The following LRRC74A variants were observed in gnomAD, a reference collection of about 807,000 sequenced individuals.
LRRC74A encodes leucine-rich repeat-containing protein 74A.
A neutral mutation model predicts 57.9 loss-of-function variants in LRRC74A; 44 were observed. The ratio of observed to expected loss-of-function variants is 0.76; its 90% CI spans 0.60 to 0.98. LRRC74A has a LOEUF of 0.98. LRRC74A is among the 50% of genes least tolerant of loss of function. The pLI is 0.00. For synonymous variants in LRRC74A, 211 were observed against 219.4 expected, an observed-to-expected ratio of 0.96 and a Z score of 0.34; for missense variants, 572 against 574.0, an observed-to-expected ratio of 1.00 and a Z score of 0.04.
chr14:76,847,964 A>G (rs1355133999), intron 7 of LRRC74A, among the ~76,000 whole-genome samples: 1 of 152,138 alleles, frequency 6.6e-6, no homozygotes, highest in Non-Finnish European at 1.5e-5. Flanking sequence ...ACCTGAGGTC[A>G]GGAGTTCCAG....
chr14:76,849,872 A>G lies in LRRC74A; in HGVS notation c.677-2493A>G, dbSNP rs186856425. ...TTATTTGAAGTGATTGCTATGTGAC[A>G]GGCATCAAATTGGGCATTTTACATC... On this transcript the variant is annotated intron_variant, in intron 7 of 13. Transcript: ENST00000689127. Among the ~76,000 whole-genome samples the G allele has an allele frequency of 9.7e-4, 147 of 151,822 alleles. 1 individual carries two copies. Among genetic ancestry groups the G allele is most frequent in the Non-Finnish European group, 1.6e-3 (110 of 67,938 alleles).
At chr14:76,841,045 C>T (rs1462884419) in intron 5 of LRRC74A, among the ~76,000 whole-genome samples, 1 of 151,126 alleles carries the variant, frequency 6.6e-6, no homozygotes, top group Non-Finnish European at 1.5e-5. Context: ...AAATATTTTG[C>T]ATTTCTTTGT....
At chr14:76,864,989 T>C (rs1194695326) in intron 11 of LRRC74A, among the ~76,000 whole-genome samples, 1 of 152,216 alleles carries the variant, frequency 6.6e-6, no homozygotes, top group East Asian at 1.9e-4. Context: ...TACAGATAGA[T>C]AGAAGTTAGA....
intron 3 of LRRC74A, among the ~76,000 whole-genome samples, chr14:76,835,654 G>A (rs1468820627): frequency 2.0e-5 from 3 of 152,132 alleles, no homozygotes; most frequent in Non-Finnish European, 4.4e-5. Flanking sequence ...GGAGGCTAAG[G>A]CAGGAGGATC....
At position 76,870,112 on chromosome 14, in the gene LRRC74A, C is replaced by A. The variant is rs368973292; in HGVS notation, c.1392-13C>A. The A allele has an allele frequency of 4.3e-6, 7 of 1,610,634 alleles. 1 individual carries two copies. Among genetic ancestry groups the A allele is most frequent in the Non-Finnish European group, 4.2e-6 (5 of 1,178,502 alleles). On this transcript the variant is annotated splice_polypyrimidine_tract_variant and intron_variant, in intron 13 of 13. Transcript: ENST00000689127. ...ACGGGTGCTCAGCATCTTTCCCTTA[C>A]CTTTCGTACCAGTTTCTTGAACACG...
At position 76,863,728 on chromosome 14, in the gene LRRC74A, C is replaced by T. The variant is rs141786703; in HGVS notation, c.1201-2240C>T. On this transcript the variant is annotated intron_variant, in intron 11 of 13. Coordinates refer to ENST00000689127, the MANE Select transcript of LRRC74A (RefSeq NM_001385106.1). Reference sequence around the variant, plus strand: ...ATTTACTCCAACTAGGCTAAGCACACGGGGGTTTATTACAGGAGAGAGATC... The same window carrying T: ...ATTTACTCCAACTAGGCTAAGCACATGGGGGTTTATTACAGGAGAGAGATC... Among the ~76,000 whole-genome samples the T allele has an allele frequency of 2.0e-3, 302 of 152,288 alleles. 1 individual carries two copies. Among genetic ancestry groups the T allele is most frequent in the Admixed American group, 4.1e-3 (63 of 15,298 alleles).
intron 5 of LRRC74A, among the ~76,000 whole-genome samples, chr14:76,839,864 G>A (rs1042950723): frequency 1.3e-5 from 2 of 152,022 alleles, no homozygotes; most frequent in Admixed American, 6.5e-5. Context: ...CTGAGTAGCT[G>A]GGACTATAGG....
chr14:76,848,079 A>G (rs1050358789), intron 7 of LRRC74A, among the ~76,000 whole-genome samples: 17 of 150,030 alleles, frequency 1.1e-4, no homozygotes, highest in Admixed American at 1.1e-3. Context: ...AGACTGAGGC[A>G]CAAGAACCGT....
intron 7 of LRRC74A, among the ~76,000 whole-genome samples, chr14:76,851,394 G>C (rs1047977410): frequency 6.6e-6 from 1 of 152,174 alleles, no homozygotes; most frequent in Non-Finnish European, 1.5e-5. Flanking sequence ...GTCTTGCTCT[G>C]TCACCCAGGC....
In LRRC74A at chr14:76,836,217, C is replaced by T. The variant is rs373943713; in HGVS notation, c.350C>T (p.Ala117Val). ...TTGTGCTGGCTGAAGTCCAACATGGCTGTTACCAAACTGGAGCTGGAAGAC... is the reference window on the plus strand; with the variant it reads ...TTGTGCTGGCTGAAGTCCAACATGGTTGTTACCAAACTGGAGCTGGAAGAC... ...AIAIALVSNM[A>V]VTKLELEDNC... Residue 117 changes from alanine (A) to valine (V), a missense_variant, in exon 4 of 14, where the codon GCT becomes GTT. Ala to Val is a moderately conservative substitution (Grantham distance 64). Coordinates refer to ENST00000689127, the MANE Select transcript of LRRC74A (RefSeq NM_001385106.1). The T allele has an allele frequency of 4.3e-6, 7 of 1,613,232 alleles. No individual in the cohort carries two copies. In the African/African-American group the frequency reaches 9.3e-5, roughly 22 times the overall value.
chr14:76,833,349 T>C (rs755020670), intron 3 of LRRC74A, among the ~76,000 whole-genome samples: 1 of 152,100 alleles, frequency 6.6e-6, no homozygotes, highest in Non-Finnish European at 1.5e-5. Context: ...TTACCCACAG[T>C]TTCACTGTCT....
Position 76,846,820 on chromosome 14 carries a change from G to A in LRRC74A, c.676+1919G>A, listed in dbSNP as rs545116381. Among the ~76,000 whole-genome samples, 4 of 99,112 alleles carry A rather than the reference G, an allele frequency of 4.0e-5. No individual in the cohort carries two copies. In the South Asian group the frequency reaches 1.4e-3, roughly 34 times the overall value. The allele number at this position is 99,112 out of a possible 152,430, so 65.0% of individuals were successfully genotyped here. A position where few individuals can be genotyped will look rare whatever the true frequency, so the allele number is the denominator to read the frequency against. Reference sequence around the variant, plus strand: ...TTTCCATTTTGGCCACGTGATGTTTGCAATGGCCATTTGAACCTACATAGA... The same window carrying A: ...TTTCCATTTTGGCCACGTGATGTTTACAATGGCCATTTGAACCTACATAGA... On this transcript the variant is annotated intron_variant, in intron 7 of 13. Coordinates refer to ENST00000689127, the MANE Select transcript of LRRC74A (RefSeq NM_001385106.1).
At position 76,860,749 on chromosome 14, in the gene LRRC74A, C is replaced by G. The variant is rs767947363; in HGVS notation, c.1110C>G (p.His370Gln). 1 of 1,611,708 alleles carries G rather than the reference C, an allele frequency of 6.2e-7. No homozygotes were observed. The highest frequency in any genetic ancestry group is 1.1e-5 in the South Asian group (1 of 90,912). Residue 370 changes from histidine to glutamine, a missense_variant, in exon 11 of 14, where the codon CAC becomes CAG. Physicochemically the swap from His to Gln is conservative, Grantham distance 24 (BLOSUM62 0). Coordinates refer to ENST00000689127, the MANE Select transcript of LRRC74A (RefSeq NM_001385106.1). ...MKTLDGVYAV[H>Q]PQLDVVFKAV... The stretch of plus-strand genomic sequence containing the variant: ...CGTTGGACGGAGTGTATGCCGTTCA[C>G]CCGCAGCTGGACGTGGTATTCAAGG...
At position 76,852,396 on chromosome 14, in the gene LRRC74A, G is replaced by A. The variant is rs371546581; in HGVS notation, c.708G>A (p.Leu236=). 46 of 1,612,364 alleles carry A rather than the reference G, an allele frequency of 2.9e-5. No homozygotes were observed. Among genetic ancestry groups the A allele is most frequent in the Non-Finnish European group, 3.9e-5 (46 of 1,179,126 alleles). Residue 236 remains leucine (L), a synonymous_variant, in exon 8 of 14, where the codon CTG becomes CTA. Coordinates refer to ENST00000689127, the MANE Select transcript of LRRC74A (RefSeq NM_001385106.1). Reference sequence around the variant, plus strand: ...ACGTGGGGCTCACGTCACTGGATCTGAGCTGGAATAACTTCCACACAAGGG... The same window carrying A: ...ACGTGGGGCTCACGTCACTGGATCTAAGCTGGAATAACTTCCACACAAGGG... ...AINVGLTSLD[L]SWNNFHTRGA...
chr14:76,842,029 C>A (rs757017406), intron 5 of LRRC74A, among the ~76,000 whole-genome samples: 17 of 152,028 alleles, frequency 1.1e-4, no homozygotes, highest in Non-Finnish European at 1.9e-4. Flanking sequence ...TTTTTACATT[C>A]TTGAGTAAAG....
At chr14:76,852,520 C>T in intron 8 of LRRC74A, 70 bp downstream of exon 8, 2 of 1,204,814 alleles carry the variant, frequency 1.7e-6, no homozygotes, top group East Asian at 5.2e-5. Flanking sequence ...TCCTGCCATC[C>T]TAAGCCTCTT....
intron 7 of LRRC74A, among the ~76,000 whole-genome samples, chr14:76,851,666 C>G (rs1275276929): frequency 7.0e-6 from 1 of 142,572 alleles, no homozygotes; most frequent in East Asian, 2.1e-4. Flanking sequence ...CCAAATAATT[C>G]TCACTTTTTT....
chr14:76,827,302 G>GGAC (rs1051586980), intron 1 of LRRC74A, among the ~76,000 whole-genome samples: 25 of 152,108 alleles, frequency 1.6e-4, no homozygotes, highest in Non-Finnish European at 2.1e-4. Context: ...CTGGGTCTAT[G>GGAC]GACAAGGATT....
At chr14:76,834,995 G>A (rs768730285) in intron 3 of LRRC74A, among the ~76,000 whole-genome samples, 3 of 152,140 alleles carry the variant, frequency 2.0e-5, no homozygotes, top group Non-Finnish European at 2.9e-5. Context: ...CGGAGGACCA[G>A]CATTAACACT....
Sources: allele counts gnomAD v4.1 joint callset (sites outside exome capture counted in the v4.1 genomes callset), GRCh38; gene constraint gnomAD v4.1.1; transcripts MANE v1.5; gene names NCBI Gene and HGNC (gene_info 2026-07-23, HGNC 2026-07-21).